ABI1: variants seen among roughly 807,000 people sequenced by gnomAD.
The protein encoded by ABI1 is abl interactor 1.
Under a neutral mutation model 54.6 loss-of-function variants are expected in ABI1, and 14 were observed. The ratio of observed to expected loss-of-function variants is 0.26; its 90% CI spans 0.17 to 0.40. ABI1 has a LOEUF of 0.40. Among genes scored for constraint, ABI1 ranks in the 10% least tolerant of loss-of-function variants. The pLI, the probability that ABI1 is intolerant of heterozygous loss-of-function variation, is 1.00. For synonymous variants in ABI1, 194 were observed against 209.3 expected, an observed-to-expected ratio of 0.93 and a Z score of 0.63; for missense variants, 443 against 598.3, an observed-to-expected ratio of 0.74 and a Z score of 2.71.
intron 1 of ABI1, among the ~76,000 whole-genome samples, chr10:26,848,463 A>G (rs1034373415): frequency 6.6e-6 from 1 of 152,258 alleles, no homozygotes; most frequent in African/African-American, 2.4e-5. Flanking sequence ...TTGGTATGAA[A>G]TTTGAAGATA....
chr10:26,790,808 C>T (rs1309491002), intron 2 of ABI1, among the ~76,000 whole-genome samples: 2 of 152,224 alleles, frequency 1.3e-5, no homozygotes, highest in East Asian at 3.9e-4. Flanking sequence ...GTGACTCACA[C>T]CTATAATCCC....
At chr10:26,855,031 G>A (rs1333759677) in intron 1 of ABI1, among the ~76,000 whole-genome samples, 1 of 151,952 alleles carries the variant, frequency 6.6e-6, no homozygotes, top group African/African-American at 2.4e-5. Context: ...AAAAATAAAT[G>A]CTCATTAGAC....
intron 2 of ABI1, among the ~76,000 whole-genome samples, chr10:26,806,982 T>A (rs2046914352): frequency 1.3e-5 from 2 of 152,226 alleles, no homozygotes; most frequent in South Asian, 4.1e-4. Context: ...TCTCAATTGA[T>A]TATCTTTTTT....
At chr10:26,848,758 G>A (rs1459326007) in intron 1 of ABI1, among the ~76,000 whole-genome samples, 1 of 151,992 alleles carries the variant, frequency 6.6e-6, no homozygotes, top group African/African-American at 2.4e-5. Flanking sequence ...ACAGGCATGT[G>A]CCACCACGCC....
chr10:26,788,479 A>G (rs748436972), intron 2 of ABI1, among the ~76,000 whole-genome samples: 15 of 152,246 alleles, frequency 9.9e-5, no homozygotes, highest in Non-Finnish European at 1.0e-4. Context: ...CATTTCTAAA[A>G]TATTAATATG....
chr10:26,751,336 G>A (rs760471179), intron 10 of ABI1, among the ~76,000 whole-genome samples: 16 of 152,092 alleles, frequency 1.1e-4, no homozygotes, highest in African/African-American at 2.7e-4. Context: ...ATAAAATGCC[G>A]TCCAGCAAGT....
intron 1 of ABI1, among the ~76,000 whole-genome samples, chr10:26,844,921 C>A (rs1312747772): frequency 6.6e-6 from 1 of 152,132 alleles, no homozygotes. Flanking sequence ...TCTAACTGGT[C>A]ACTGTCCATC....
Position 26,755,752 on chromosome 10 carries a change from C to T in ABI1, c.998-11G>A, listed in dbSNP as rs745474099. On this transcript the variant is annotated splice_polypyrimidine_tract_variant and intron_variant, in intron 8 of 10. Transcript: ENST00000376140. ...GTGGAGCAATAGAAACTGGTAGCAA[C>T]AACACAGTATGGGGGAAGTAAAACA... 18 of 1,585,146 alleles carry T rather than the reference C, an allele frequency of 1.1e-5. No individual in the cohort carries two copies. The South Asian group carries it at 2.0e-4, about 18-fold the overall frequency.
chr10:26,816,323 T>C (rs1005115461), intron 2 of ABI1, among the ~76,000 whole-genome samples: 1 of 152,220 alleles, frequency 6.6e-6, no homozygotes, highest in Non-Finnish European at 1.5e-5. Context: ...ATTGCTGCCA[T>C]TCAGGAGACT....
At position 26,823,109 on chromosome 10, in the gene ABI1, T is replaced by G. The variant is rs753830512; in HGVS notation, c.285+29A>C. ...GCATATGCTGTAGTTTTTTTTAAATTGAATTTAAAGCATTTTATAAGCTGT... is the reference window on the plus strand; with the variant it reads ...GCATATGCTGTAGTTTTTTTTAAATGGAATTTAAAGCATTTTATAAGCTGT... On this transcript the variant is annotated intron_variant, in intron 2 of 10. Coordinates refer to ENST00000376140, the MANE Select transcript of ABI1 (RefSeq NM_001012750.3). The G allele has an allele frequency of 4.5e-6, 7 of 1,545,132 alleles. No individual in the cohort carries two copies. The Admixed American group carries it at 1.6e-4, about 35-fold the overall frequency.
chr10:26,843,632 A>ACCT, intron 1 of ABI1, among the ~76,000 whole-genome samples: 1 of 151,262 alleles, frequency 6.6e-6, no homozygotes, highest in East Asian at 1.9e-4. Context: ...GCAGCACCGT[A>ACCT]CCTCCTCACC....
intron 2 of ABI1, among the ~76,000 whole-genome samples, chr10:26,781,185 G>A (rs878966232): frequency 3.3e-5 from 5 of 152,194 alleles, no homozygotes; most frequent in African/African-American, 1.2e-4. Context: ...CCTCCCTGAC[G>A]TAGCTACTAG....
chr10:26,793,381 A>C (rs1007044667), intron 2 of ABI1, among the ~76,000 whole-genome samples: 1 of 152,232 alleles, frequency 6.6e-6, no homozygotes, highest in African/African-American at 2.4e-5. Flanking sequence ...TCAACTTCGA[A>C]GTTAACTTGA....
In ABI1 at chr10:26,835,103, A is replaced by AC. The variant is rs1564561433; in HGVS notation, c.118-11799_118-11798insG. The stretch of plus-strand genomic sequence containing the variant: ...GATTCTACCTCAAAAAAAAAAAAAA[A>AC]AAAAAAAAAAAACCCACAATGCAAT... On this transcript the variant is annotated intron_variant, in intron 1 of 10. Transcript: ENST00000376140. Among the ~76,000 whole-genome samples, 935 of 129,772 alleles carry AC rather than the reference A, an allele frequency of 7.2e-3. 60 individuals are homozygous for AC. Among genetic ancestry groups the AC allele is most frequent in the African/African-American group, 0.024 (889 of 37,092 alleles). 85.1% of individuals were successfully genotyped at this position (129,772 alleles called of 152,430 possible).
At chr10:26,849,064 A>C (rs1256968196) in intron 1 of ABI1, among the ~76,000 whole-genome samples, 1 of 152,210 alleles carries the variant, frequency 6.6e-6, no homozygotes, top group Non-Finnish European at 1.5e-5. Flanking sequence ...CCAATCATCT[A>C]TCCCAAATGT....
chr10:26,785,733 A>T (rs1339002584), intron 2 of ABI1, among the ~76,000 whole-genome samples: 1 of 151,966 alleles, frequency 6.6e-6, no homozygotes, highest in African/African-American at 2.4e-5. Flanking sequence ...TGGGAAAAAA[A>T]AAAAAAAGTC....
At chr10:26,770,198 T>C (rs1840496820) in intron 5 of ABI1, 47 bp downstream of exon 5, 1 of 1,498,758 alleles carries the variant, frequency 6.7e-7, no homozygotes. Context: ...GAAACATCTT[T>C]TCCTTTAGCA....
intron 6 of ABI1, 123 bp from the exon 7 acceptor site, chr10:26,765,441 G>A: frequency 1.2e-5 from 9 of 737,548 alleles, no homozygotes; most frequent in Middle Eastern, 3.0e-4. Flanking sequence ...AGTATCCTTG[G>A]AGGACTGGTT....
intron 1 of ABI1, among the ~76,000 whole-genome samples, chr10:26,843,471 AAAAAAAAAAAAAAAATATATATAT>A (rs1363946857): frequency 2.3e-4 from 16 of 70,794 alleles, no homozygotes; most frequent in East Asian, 1.4e-3. Context: ...AAAAAAAAAA[AAAAAAAAAAAAAAAATATATATAT>A]ATATATATAT....
Sources: gnomAD v4.1 joint callset for allele counts (sites outside exome capture counted in the v4.1 genomes callset) on GRCh38, gnomAD v4.1.1 for gene constraint, MANE v1.5 for transcripts, NCBI Gene and HGNC (gene_info 2026-07-23, HGNC 2026-07-21) for gene names.